The following ETFA variants were observed in gnomAD, a reference collection of about 807,000 sequenced individuals.
The protein encoded by ETFA is electron transfer flavoprotein subunit alpha, also known as electron transfer flavoprotein subunit alpha, mitochondrial.
ETFA carries 22 observed loss-of-function variants against 46.2 expected under a neutral mutation model. The observed-to-expected ratio is 0.48, with a 90% CI of 0.34 to 0.68. ETFA has a LOEUF of 0.68. Ranked by LOEUF, ETFA falls within the 30% of genes least tolerant of loss-of-function variation. The pLI, the probability that ETFA is intolerant of heterozygous loss-of-function variation, is 0.01. For synonymous variants in ETFA, 131 were observed against 139.9 expected (o/e 0.94, Z 0.45); for missense variants, 345 against 401.1 (o/e 0.86, Z 1.19).
chr15:76,295,484 T>G (rs2039808956), intron 2 of ETFA, 107 bp downstream of exon 2: 1 of 939,122 alleles, frequency 1.1e-6, no homozygotes. Flanking sequence ...TAATGAGGAT[T>G]AGAGCCCAGT....
chr15:76,291,423 CGAG>C (rs2039760346), intron 4 of ETFA, among the ~76,000 whole-genome samples: 3 of 116,726 alleles, frequency 2.6e-5, no homozygotes, highest in African/African-American at 6.8e-5. Context: ...CCAGCCTGGG[CGAG>C]GAAAGTAAGA....
At position 76,311,462 on chromosome 15, in the gene ETFA, C is replaced by A. The variant is rs997138083; in HGVS notation, c.-74G>T. 25 of 1,518,278 alleles carry A rather than the reference C, an allele frequency of 1.6e-5. No individual in the cohort carries two copies. Among genetic ancestry groups the A allele is most frequent in the African/African-American group, 5.5e-5 (4 of 72,594 alleles). 94.1% of individuals were successfully genotyped at this position (1,518,278 alleles called of 1,614,324 possible). ...GCCAACTGGCGCCGCCTCAGCCAGT[C>A]ACCTAATGCTCGCGAGACGCGCGAA... On this transcript the variant is annotated 5_prime_UTR_variant, in exon 1 of 12. Transcript: ENST00000557943.
At chr15:76,268,559 T>C (rs1195026865) in intron 9 of ETFA, among the ~76,000 whole-genome samples, 1 of 152,198 alleles carries the variant, frequency 6.6e-6, no homozygotes, top group Non-Finnish European at 1.5e-5. Flanking sequence ...AATGGACCAA[T>C]GTTTTCTGAC....
At chr15:76,251,613 T>G (rs972222617) in intron 9 of ETFA, among the ~76,000 whole-genome samples, 2 of 152,132 alleles carry the variant, frequency 1.3e-5, no homozygotes, top group African/African-American at 4.8e-5. Flanking sequence ...CGCACAGGTG[T>G]AGTACAGACT....
chr15:76,256,200 G>A (rs1242669079), intron 9 of ETFA, among the ~76,000 whole-genome samples: 1 of 150,014 alleles, frequency 6.7e-6, no homozygotes, highest in Non-Finnish European at 1.5e-5. Context: ...GGAGGTTGCA[G>A]TGAGCCAAGA....
intron 1 of ETFA, among the ~76,000 whole-genome samples, chr15:76,301,683 C>T (rs2141551815): frequency 6.6e-6 from 1 of 150,414 alleles, no homozygotes; most frequent in African/African-American, 2.5e-5. Flanking sequence ...GCACTCCAGC[C>T]TAGGCGAGAG....
intron 10 of ETFA, among the ~76,000 whole-genome samples, chr15:76,229,806 A>G (rs578221560): frequency 1.1e-4 from 16 of 152,226 alleles, no homozygotes; most frequent in Non-Finnish European, 2.2e-4. Flanking sequence ...ATAATCTTTT[A>G]TATCAAGCTT....
rs377024269 is a variant in ETFA, at chr15:76,270,854, T to C, written c.816+3558A>G. 8.5e-5 allele frequency among the ~76,000 whole-genome samples: 13 copies of C among 152,240 alleles called. No individual in the cohort carries two copies. The East Asian group carries it at 1.5e-3, about 18-fold the overall frequency. ...TAAAATAGGTACCATAAGTCCATAC[T>C]GATATAAACAAATGAATAAATCAAA... On this transcript the variant is annotated intron_variant, in intron 9 of 11. Transcript: ENST00000557943.
Position 76,267,561 on chromosome 15 carries a change from T to C in ETFA, c.816+6851A>G, listed in dbSNP as rs112811495. 3.8e-3 allele frequency among the ~76,000 whole-genome samples: 582 copies of C among 152,252 alleles called. 4 individuals are homozygous for C. Among genetic ancestry groups the C allele is most frequent in the African/African-American group, 0.013 (532 of 41,536 alleles). On this transcript the variant is annotated intron_variant, in intron 9 of 11. Transcript: ENST00000557943. The stretch of plus-strand genomic sequence containing the variant: ...GAGCAGCCATTACTGTTTTTACTGA[T>C]GGATCTACTAATGGAAAAGCCTAAT...
At chr15:76,236,430 T>C (rs1416563618) in intron 9 of ETFA, among the ~76,000 whole-genome samples, 3 of 152,230 alleles carry the variant, frequency 2.0e-5, no homozygotes. Context: ...GAGGTTATCA[T>C]ACTGGGCAGC....
chr15:76,304,319 C>A (rs1347559118), intron 1 of ETFA, among the ~76,000 whole-genome samples: 1 of 152,006 alleles, frequency 6.6e-6, no homozygotes. Flanking sequence ...GGGTGAGAAT[C>A]AAAAAATTAC....
intron 9 of ETFA, among the ~76,000 whole-genome samples, chr15:76,273,504 G>A (rs1173795646): frequency 4.0e-5 from 6 of 151,882 alleles, no homozygotes; most frequent in Non-Finnish European, 4.4e-5. Flanking sequence ...GCAGTGAGCC[G>A]AGATTACACC....
intron 8 of ETFA, among the ~76,000 whole-genome samples, chr15:76,280,710 G>A (rs1219893742): frequency 6.6e-6 from 1 of 152,078 alleles, no homozygotes; most frequent in East Asian, 1.9e-4. Context: ...CTGGTCTTGT[G>A]TTGCCTCCCA....
At chr15:76,237,429 A>T (rs1350851274) in intron 9 of ETFA, among the ~76,000 whole-genome samples, 1 of 152,204 alleles carries the variant, frequency 6.6e-6, no homozygotes, top group Non-Finnish European at 1.5e-5. Context: ...CTCAGATCTC[A>T]ACTCAAGAAA....
intron 1 of ETFA, among the ~76,000 whole-genome samples, chr15:76,301,288 A>C (rs2039877895): frequency 6.6e-6 from 1 of 152,146 alleles, no homozygotes; most frequent in South Asian, 2.1e-4. Flanking sequence ...TATTCACCTG[A>C]TTGTCTTCTC....
At chr15:76,309,451 A>AAAAC (rs373119226) in intron 1 of ETFA, among the ~76,000 whole-genome samples, 30 of 152,242 alleles carry the variant, frequency 2.0e-4, no homozygotes, top group Middle Eastern at 3.4e-3. Context: ...ACTCCGTCTC[A>AAAAC]AAACAAACAA....
intron 7 of ETFA, 78 bp downstream of exon 7, chr15:76,285,559 C>T (rs1330917859): frequency 1.2e-6 from 1 of 850,864 alleles, no homozygotes. Context: ...CTGTGTACTT[C>T]TAAAATAAAT....
At chr15:76,288,004 G>A in intron 4 of ETFA, 59 bp from the exon 5 acceptor site, 2 of 1,026,090 alleles carry the variant, frequency 1.9e-6, no homozygotes, top group Admixed American at 3.4e-5. Flanking sequence ...GACTATAAAT[G>A]ATCAGTAATG....
intron 10 of ETFA, among the ~76,000 whole-genome samples, chr15:76,229,617 A>T (rs1295059416): frequency 1.3e-5 from 2 of 151,864 alleles, no homozygotes; most frequent in Non-Finnish European, 2.9e-5. Flanking sequence ...TTATTTATTT[A>T]TTTTTTCTTA....
Sources: gnomAD v4.1 joint callset for allele counts (sites outside exome capture counted in the v4.1 genomes callset) on GRCh38, gnomAD v4.1.1 for gene constraint, MANE v1.5 for transcripts, NCBI Gene and HGNC (gene_info 2026-07-23, HGNC 2026-07-21) for gene names.